The following PTPRQ variants were observed in gnomAD, a reference collection of about 807,000 sequenced individuals.
PTPRQ encodes protein tyrosine phosphatase receptor type Q.
In PTPRQ, 199 loss-of-function variants were observed where a neutral mutation model predicts 246.0. The observed-to-expected ratio is 0.81, with a 90% CI of 0.72 to 0.91. The LOEUF is 0.91. Ranked by LOEUF, PTPRQ falls within the 40% of genes least tolerant of loss-of-function variation. The pLI is 0.00. For synonymous variants in PTPRQ, 869 were observed against 853.2 expected, an observed-to-expected ratio of 1.02 and a Z score of -0.32; for missense variants, 2,624 against 2,528.4, an observed-to-expected ratio of 1.04 and a Z score of -0.81.
intron 8 of PTPRQ, among the ~76,000 whole-genome samples, chr12:80,484,055 G>C (rs1308610166): frequency 6.6e-6 from 1 of 151,722 alleles, no homozygotes; most frequent in Admixed American, 6.6e-5. Flanking sequence ...TTCCAGGCTG[G>C]AGTGCAGTGG....
At chr12:80,654,953 T>A (rs996676479) in intron 38 of PTPRQ, among the ~76,000 whole-genome samples, 4 of 152,084 alleles carry the variant, frequency 2.6e-5, no homozygotes, top group African/African-American at 2.4e-5. Context: ...AGTGTCTAAT[T>A]TGAAATATGT....
chr12:80,537,953 C>T (rs1265338124), intron 19 of PTPRQ, among the ~76,000 whole-genome samples: 2 of 151,802 alleles, frequency 1.3e-5, no homozygotes, highest in Non-Finnish European at 2.9e-5. Context: ...ACTAAAAATA[C>T]AAAAAATTAG....
intron 28 of PTPRQ, among the ~76,000 whole-genome samples, chr12:80,611,396 G>A (rs1898546031): frequency 1.3e-5 from 2 of 150,114 alleles, no homozygotes; most frequent in African/African-American, 2.4e-5. Context: ...TTTACAGCTA[G>A]TTTTTTTCGT....
At chr12:80,654,693 C>A (rs1227982673) in intron 38 of PTPRQ, among the ~76,000 whole-genome samples, 1,274 of 111,894 alleles carry the variant, frequency 0.011, 25 homozygotes, top group African/African-American at 0.043. Flanking sequence ...ACTAAAAATC[C>A]AAAAAAAAAA....
chr12:80,566,979 G>A (rs996645835), intron 25 of PTPRQ, among the ~76,000 whole-genome samples: 1 of 152,176 alleles, frequency 6.6e-6, no homozygotes, highest in African/African-American at 2.4e-5. Flanking sequence ...TATTTAGGTT[G>A]TTATCAAAGA....
In PTPRQ at chr12:80,461,969, T is replaced by G. The variant is rs148230609; in HGVS notation, c.910+1067T>G. ...GACGGGTGATTTCCGCATTTTCATC[T>G]AAGGTACCCGTTCGTCTCACTAGGG... On this transcript the variant is annotated intron_variant, in intron 6 of 44. Transcript: ENST00000644991. 9.2e-4 allele frequency: 615 copies of G among 669,720 alleles called. 7 individuals are homozygous for G. The East Asian group carries it at 0.017, about 18-fold the overall frequency. The allele number at this position is 669,720 out of a possible 1,614,324, so 41.5% of individuals were successfully genotyped here.
chr12:80,574,625 T>C (rs1024223461), intron 25 of PTPRQ, among the ~76,000 whole-genome samples: 36 of 152,324 alleles, frequency 2.4e-4, no homozygotes, highest in African/African-American at 8.4e-4. Flanking sequence ...ATATGAATAC[T>C]TGACTTATAT....
intron 20 of PTPRQ, among the ~76,000 whole-genome samples, chr12:80,540,332 A>T (rs1187746813): frequency 6.6e-6 from 1 of 152,112 alleles, no homozygotes; most frequent in Non-Finnish European, 1.5e-5. Context: ...AGGACTCTGC[A>T]GCACATCTCT....
At chr12:80,445,302 T>A (rs994878087) in intron 2 of PTPRQ, among the ~76,000 whole-genome samples, 189 bp from the exon 3 acceptor site, 1 of 152,076 alleles carries the variant, frequency 6.6e-6, no homozygotes. Context: ...ATTTTTCACA[T>A]TCTTATAAAG....
intron 25 of PTPRQ, among the ~76,000 whole-genome samples, chr12:80,578,823 A>G (rs1471893218): frequency 6.6e-6 from 1 of 152,150 alleles, no homozygotes; most frequent in Non-Finnish European, 1.5e-5. Flanking sequence ...TCAGTATCAG[A>G]GATTATTGTA....
At chr12:80,480,543 C>G (rs201610961) in intron 8 of PTPRQ, among the ~76,000 whole-genome samples, 1 of 142,302 alleles carries the variant, frequency 7.0e-6, no homozygotes, top group East Asian at 2.0e-4. Flanking sequence ...CTGAAGGAAA[C>G]AGAGACACAA....
At chr12:80,642,283 A>G (rs1240141296) in intron 35 of PTPRQ, among the ~76,000 whole-genome samples, 1 of 152,078 alleles carries the variant, frequency 6.6e-6, no homozygotes, top group African/African-American at 2.4e-5. Flanking sequence ...CTGGTATAAT[A>G]TCTTCTGGTA....
At chr12:80,519,225 C>A (rs747636074) in intron 17 of PTPRQ, among the ~76,000 whole-genome samples, 5 of 151,962 alleles carry the variant, frequency 3.3e-5, no homozygotes, top group Non-Finnish European at 7.4e-5. Context: ...TTAAACGAAA[C>A]TTTTTAGTCA....
chr12:80,483,827 A>G (rs1894170920), intron 8 of PTPRQ, among the ~76,000 whole-genome samples: 1 of 151,832 alleles, frequency 6.6e-6, no homozygotes, highest in South Asian at 2.1e-4. Flanking sequence ...GAGTGTGAAC[A>G]TGCGGCGTTT....
At chr12:80,460,536 G>A (rs1565718785) in intron 5 of PTPRQ, 117 bp from the exon 6 acceptor site, 2 of 395,048 alleles carry the variant, frequency 5.1e-6, no homozygotes, top group Non-Finnish European at 8.9e-6. Context: ...TATAACTTTT[G>A]CATGTTATGT....
intron 25 of PTPRQ, chr12:80,584,372 T>C (rs1323608630): frequency 6.6e-6 from 1 of 152,202 alleles, no homozygotes; most frequent in Non-Finnish European, 1.5e-5. Context: ...AAATATATCT[T>C]AAAAACTGAC....
At chr12:80,568,710 G>T (rs761739075) in intron 25 of PTPRQ, among the ~76,000 whole-genome samples, 10 of 152,282 alleles carry the variant, frequency 6.6e-5, no homozygotes, top group Non-Finnish European at 1.5e-4. Flanking sequence ...CGAGTTCATT[G>T]CTGTGAGACA....
intron 25 of PTPRQ, among the ~76,000 whole-genome samples, chr12:80,575,781 G>A (rs1223594373): frequency 6.9e-6 from 1 of 145,670 alleles, no homozygotes; most frequent in East Asian, 2.1e-4. Flanking sequence ...AGAGGTTGCA[G>A]TGAGCCAAGA....
intron 35 of PTPRQ, among the ~76,000 whole-genome samples, chr12:80,638,963 G>T (rs1899757673): frequency 6.6e-6 from 1 of 152,128 alleles, no homozygotes; most frequent in Non-Finnish European, 1.5e-5. Context: ...CTTGGGTTTT[G>T]TTATCTAATA....
Sources: allele counts gnomAD v4.1 joint callset (sites outside exome capture counted in the v4.1 genomes callset), GRCh38; gene constraint gnomAD v4.1.1; transcripts MANE v1.5; gene names NCBI Gene and HGNC (gene_info 2026-07-23, HGNC 2026-07-21).